Variants in TSHZ1 observed in about 807,000 individuals in gnomAD.
TSHZ1 encodes teashirt homolog 1.
TSHZ1 carries 12 observed loss-of-function variants against 67.1 expected under a neutral mutation model. The observed-to-expected ratio is 0.18, with a 90% CI of 0.11 to 0.29. The LOEUF is 0.29. Among genes scored for constraint, TSHZ1 ranks in the 10% least tolerant of loss-of-function variants. TSHZ1 has a pLI of 1.00. For missense variants in TSHZ1, 1,305 were observed against 1,413.9 expected, an observed-to-expected ratio of 0.92 and a Z score of 1.23; for synonymous variants, 632 against 622.4, an observed-to-expected ratio of 1.02 and a Z score of -0.23.
At chr18:75,214,330 C>G (rs560643304) in intron 1 of TSHZ1, among the ~76,000 whole-genome samples, 81 of 152,328 alleles carry the variant, frequency 5.3e-4, no homozygotes, top group African/African-American at 1.9e-3. Context: ...TTTCCTTCAT[C>G]TTAAGCGTTT....
chr18:75,218,986 A>G (rs925717236), intron 1 of TSHZ1, among the ~76,000 whole-genome samples: 1 of 152,262 alleles, frequency 6.6e-6, no homozygotes. Flanking sequence ...ATAAAAATAG[A>G]TAATGGCACA....
At chr18:75,280,372 T>C (rs977151135) in intron 1 of TSHZ1, among the ~76,000 whole-genome samples, 1 of 152,262 alleles carries the variant, frequency 6.6e-6, no homozygotes, top group Non-Finnish European at 1.5e-5. Context: ...CTTTACTCTT[T>C]TTCTTTGAGA....
At chr18:75,278,600 A>G (rs372365453) in intron 1 of TSHZ1, among the ~76,000 whole-genome samples, 22 of 152,200 alleles carry the variant, frequency 1.4e-4, no homozygotes, top group African/African-American at 5.1e-4. Context: ...CAGAAGAACC[A>G]GAAGACTCAG....
At chr18:75,285,389 A>C in intron 1 of TSHZ1, 59 bp from the exon 2 acceptor site, 1 of 1,413,554 alleles carries the variant, frequency 7.1e-7, no homozygotes, top group Non-Finnish European at 9.2e-7. Flanking sequence ...ACTGCTGGGG[A>C]GGCTGTCTCT....
chr18:75,222,501 C>T (rs77983994), intron 1 of TSHZ1, among the ~76,000 whole-genome samples: 191 of 152,092 alleles, frequency 1.3e-3, no homozygotes, highest in African/African-American at 4.3e-3. Context: ...CCTCTCTCTA[C>T]GCAGAGCTCC....
Position 75,286,331 on chromosome 18 carries a change from G to A in TSHZ1, c.924G>A (p.Lys308=), listed in dbSNP as rs1366164547. The A allele has an allele frequency of 2.3e-5, 37 of 1,613,986 alleles. No homozygotes were observed. The highest frequency in any genetic ancestry group is 2.7e-5 in the Non-Finnish European group (32 of 1,179,990). The change falls in exon 2 of 2, where the codon AAG becomes AAA. Residue 308 remains lysine (K), a synonymous_variant. Coordinates refer to ENST00000580243, the MANE Select transcript of TSHZ1 (RefSeq NM_001308210.2). This position sits in a 1 kb window ranked among gnomAD's most constrained non-coding sequence, Gnocchi z 5.1. The part of the protein sequence containing the change: ...EGKEDAQKVL[K]CMYCGHSFES... ...AGGAGGATGCCCAGAAGGTGCTGAA[G>A]TGCATGTACTGTGGACACTCCTTTG...
chr18:75,226,569 A>C (rs2022928484), intron 1 of TSHZ1, among the ~76,000 whole-genome samples: 1 of 149,772 alleles, frequency 6.7e-6, no homozygotes. Flanking sequence ...TCTGTTTTTC[A>C]ACTTTTTTTT....
chr18:75,227,480 C>T (rs897080849), intron 1 of TSHZ1, among the ~76,000 whole-genome samples: 2 of 151,956 alleles, frequency 1.3e-5, no homozygotes, highest in Non-Finnish European at 2.9e-5. Context: ...TCCCAAACCA[C>T]TAGAAAACCA....
chr18:75,287,921 G>A lies in TSHZ1; in HGVS notation c.2514G>A (p.Met838Ile). 1.2e-6 allele frequency: 2 copies of A among 1,614,182 alleles called. No homozygotes were observed. Among genetic ancestry groups the A allele is most frequent in the Non-Finnish European group, 1.7e-6 (2 of 1,180,044 alleles). The change falls in exon 2 of 2, where the codon ATG becomes ATA. Residue 838 changes from methionine (M) to isoleucine (I), a missense_variant. Physicochemically the swap from Met to Ile is conservative, Grantham distance 10. Around this residue, in one of 3 missense-constraint regions of TSHZ1, gnomAD observed 909 missense variants for 961.8 expected, o/e 0.95. Coordinates refer to ENST00000580243, the MANE Select transcript of TSHZ1 (RefSeq NM_001308210.2). This position sits in a 1 kb window ranked among gnomAD's most constrained non-coding sequence, Gnocchi z 5.0. ...CACCTCTGCGGGAGAGCGCACTCAT[G>A]GACATCTCCGACATGGTGAAAAACC... ...VASPLRESAL[M>I]DISDMVKNLT...
At chr18:75,279,459 C>G (rs931693664) in intron 1 of TSHZ1, among the ~76,000 whole-genome samples, 4 of 152,284 alleles carry the variant, frequency 2.6e-5, no homozygotes, top group South Asian at 4.1e-4. Flanking sequence ...ATGGTGACAA[C>G]TGTGTGTGGG....
rs985745989 is a variant in TSHZ1 at position 75,237,486 on chromosome 18, C to T, written c.40+25570C>T. ...GCAGTGAGCCATGATTGTGCCACTG[C>T]ACTCTAGCCTGGGCAACCGAGAAAG... On this transcript the variant is annotated intron_variant, in intron 1 of 1. Transcript: ENST00000580243. Among the ~76,000 whole-genome samples the T allele has an allele frequency of 4.6e-5, 7 of 152,278 alleles. 1 individual carries two copies. Among genetic ancestry groups the T allele is most frequent in the African/African-American group, 1.2e-4 (5 of 41,546 alleles).
chr18:75,255,148 G>A (rs1034632452), intron 1 of TSHZ1, among the ~76,000 whole-genome samples: 4 of 152,150 alleles, frequency 2.6e-5, no homozygotes, highest in African/African-American at 7.2e-5. Context: ...CCTCTGACAT[G>A]TATATTTCCT....
intron 1 of TSHZ1, among the ~76,000 whole-genome samples, chr18:75,214,567 T>A (rs1230908003): frequency 6.6e-6 from 1 of 152,258 alleles, no homozygotes; most frequent in African/African-American, 2.4e-5. Context: ...GTTCCATCCG[T>A]AACTGATGAG....
intron 1 of TSHZ1, among the ~76,000 whole-genome samples, chr18:75,257,446 G>C (rs995690713): frequency 3.3e-5 from 5 of 152,202 alleles, no homozygotes; most frequent in Non-Finnish European, 1.5e-5. Flanking sequence ...GAAAGTGAGA[G>C]TTTAACCAAT....
rs1323073715 is a variant in TSHZ1 at position 75,289,375 on chromosome 18, T to C, written c.*734T>C. On this transcript the variant is annotated 3_prime_UTR_variant, in exon 2 of 2. Coordinates refer to ENST00000580243, the MANE Select transcript of TSHZ1 (RefSeq NM_001308210.2). ...GCAAAAAAAAAAGTATGCAAGCTAT[T>C]ATTTAAAAATGTGTAAAAATGCTAT... The C allele has an allele frequency of 6.0e-6, 1 of 166,980 alleles. No individual in the cohort carries two copies. Among genetic ancestry groups the C allele is most frequent in the Non-Finnish European group, 1.5e-5 (1 of 68,134 alleles). 10.3% of individuals were successfully genotyped at this position (166,980 alleles called of 1,614,324 possible).
intron 1 of TSHZ1, among the ~76,000 whole-genome samples, chr18:75,213,467 G>A (rs2022725115): frequency 6.6e-6 from 1 of 152,096 alleles, no homozygotes; most frequent in Non-Finnish European, 1.5e-5. Context: ...CACAGTTAGA[G>A]GGATTTTTTT....
chr18:75,287,582 C>T lies in TSHZ1; in HGVS notation c.2175C>T (p.Asn725=), dbSNP rs200115293. ...GTEPLKAKVT[N]GCNNLGIIMD... ...AGCCTCTCAAAGCAAAGGTCACCAA[C>T]GGCTGTAACAACCTGGGGATCATCA... The change falls in exon 2 of 2, where the codon AAC becomes AAT. Residue 725 remains asparagine (N), a synonymous_variant. Coordinates refer to ENST00000580243, the MANE Select transcript of TSHZ1 (RefSeq NM_001308210.2). The surrounding 1 kb of genome is among the most constrained non-coding windows in gnomAD (Gnocchi z 5.0). The T allele has an allele frequency of 2.3e-5, 37 of 1,614,112 alleles. No homozygotes were observed. Among genetic ancestry groups the T allele is most frequent in the Admixed American group, 1.0e-4 (6 of 60,016 alleles).
Position 75,288,260 on chromosome 18 carries a change from G to A in TSHZ1, c.2853G>A (p.Leu951=), listed in dbSNP as rs765256719. ...GGCTGGCCAATGTGAAGTACCAGTT[G>A]AGGAGGACAGGGGGAACGAAATTCC... ...SHWLANVKYQ[L]RRTGGTKFLK... The change falls in exon 2 of 2, where the codon TTG becomes TTA. Residue 951 remains leucine, a synonymous_variant. Transcript: ENST00000580243. This position sits in a 1 kb window ranked among gnomAD's most constrained non-coding sequence, Gnocchi z 4.9. 6.2e-7 allele frequency: 1 copy of A among 1,614,230 alleles called. No individual in the cohort carries two copies.
At chr18:75,266,217 C>G (rs2023489138) in intron 1 of TSHZ1, among the ~76,000 whole-genome samples, 2 of 152,186 alleles carry the variant, frequency 1.3e-5, no homozygotes, top group East Asian at 3.8e-4. Context: ...CCTGTCCTCA[C>G]ACTTAGCTGT....
Sources: allele counts gnomAD v4.1 joint callset (sites outside exome capture counted in the v4.1 genomes callset), GRCh38; gene constraint gnomAD v4.1.1; regional missense constraint gnomAD v4.1.1; non-coding constraint Gnocchi (gnomAD v3.1); transcripts MANE v1.5; gene names NCBI Gene and HGNC (gene_info 2026-07-23, HGNC 2026-07-21).